The following TG variants were observed in gnomAD, a reference collection of about 807,000 sequenced individuals.
TG encodes the protein thyroglobulin.
TG carries 270 observed loss-of-function variants against 324.7 expected under a neutral mutation model. The ratio of observed to expected loss-of-function variants is 0.83; its 90% confidence interval spans 0.75 to 0.92. The LOEUF (loss-of-function observed/expected upper bound fraction) is 0.92. Among genes scored for constraint, TG ranks in the 40% least tolerant of loss-of-function variants. The pLI, the probability that TG is intolerant of heterozygous loss-of-function variation, is 0.00. For missense variants in TG, 3,591 were observed against 3,456.4 expected (o/e 1.04, Z -0.98); for synonymous variants, 1,401 against 1,327.0 (o/e 1.06, Z -1.21).
chr8:133,018,049 A>G (rs1320486283), intron 38 of TG, 52 bp downstream of exon 38: 2 of 1,560,126 alleles, frequency 1.3e-6, no homozygotes, highest in East Asian at 4.5e-5. Flanking sequence ...AATCTCCTCC[A>G]TTCTAATCTA....
intron 40 of TG, among the ~76,000 whole-genome samples, chr8:133,023,848 G>T (rs1369788121): frequency 6.6e-6 from 1 of 152,160 alleles, no homozygotes; most frequent in African/African-American, 2.4e-5. Context: ...TTCTGGAGAG[G>T]CAAACTCATT....
At chr8:132,968,645 G>A (rs1253857988) in intron 31 of TG, among the ~76,000 whole-genome samples, 2 of 152,134 alleles carry the variant, frequency 1.3e-5, no homozygotes, top group African/African-American at 2.4e-5. Context: ...AAGCTGACTG[G>A]GCAGCCCCAA....
At chr8:133,119,282 C>T (rs78903643) in intron 45 of TG, among the ~76,000 whole-genome samples, 8,168 of 152,132 alleles carry the variant, frequency 0.054, 722 homozygotes, top group African/African-American at 0.19. Flanking sequence ...TTTTATAGCA[C>T]GCCACAAAAA....
At chr8:132,883,233 A>G (rs920179879) in intron 8 of TG, 1 of 555,914 alleles carries the variant, frequency 1.8e-6, no homozygotes, top group Non-Finnish European at 3.2e-6. Context: ...TAGGAGGCTC[A>G]TAGATGAAGA....
chr8:133,040,359 C>CAG, intron 41 of TG: 1 of 528,838 alleles, frequency 1.9e-6, no homozygotes, highest in African/African-American at 1.9e-5. Context: ...CAGGCATGGG[C>CAG]AGAGAGAGAG....
chr8:133,076,224 T>G (rs879109861), intron 41 of TG: 2 of 152,216 alleles, frequency 1.3e-5, no homozygotes, highest in Non-Finnish European at 2.9e-5. Context: ...TTGAGTGATC[T>G]GTCCACAGTC....
At chr8:133,012,129 A>G (rs2130888608) in intron 36 of TG, 94 bp downstream of exon 36, 2 of 1,555,394 alleles carry the variant, frequency 1.3e-6, no homozygotes, top group Non-Finnish European at 1.8e-6. Context: ...ATGAGACACT[A>G]CGATAACCTA....
At chr8:132,943,309 C>G (rs150512294) in intron 26 of TG, among the ~76,000 whole-genome samples, 57 of 152,212 alleles carry the variant, frequency 3.7e-4, no homozygotes, top group African/African-American at 1.2e-3. Context: ...CCCCCTCTCT[C>G]TAACTCCTGA....
rs532885276 is a variant in TG at position 132,923,384 on chromosome 8, G to T, written c.4575G>T (p.Gln1525His). Residue 1525 changes from glutamine to histidine, a missense_variant, in exon 22 of 48, where the codon CAG (glutamine) becomes CAT (histidine). Transcript: ENST00000220616. ...QRNEAGLQCD[Q>H]NGQYRASQKD... is the part of the protein sequence containing the mutation. ...ACGAAGCAGGCCTGCAATGTGACCAGAATGGCCAGTATCGAGCCAGCCAGA... is the reference window on the plus strand; with the variant it reads ...ACGAAGCAGGCCTGCAATGTGACCATAATGGCCAGTATCGAGCCAGCCAGA... 4.3e-6 allele frequency: 7 copies of T among 1,614,132 alleles called. No individual in the cohort carries two copies. In the East Asian group the frequency reaches 1.1e-4, roughly 26 times the overall value.
chr8:133,069,311 A>C (rs1469544022), intron 41 of TG, among the ~76,000 whole-genome samples: 2 of 152,278 alleles, frequency 1.3e-5, no homozygotes, highest in African/African-American at 4.8e-5. Context: ...GATGGGAATC[A>C]GCATTTCACC....
chr8:132,890,635 T>C (rs1192656890), intron 10 of TG, among the ~76,000 whole-genome samples: 1 of 152,246 alleles, frequency 6.6e-6, no homozygotes, highest in Non-Finnish European at 1.5e-5. Context: ...GAGGCTCTTT[T>C]GAGTCTTAGA....
At chr8:132,883,768 TAGA>T (rs1015059161) in intron 8 of TG, among the ~76,000 whole-genome samples, 2 of 152,158 alleles carry the variant, frequency 1.3e-5, no homozygotes, top group Non-Finnish European at 2.9e-5. Context: ...CGGGGCTAAT[TAGA>T]AGGTCATTGC....
intron 5 of TG, among the ~76,000 whole-genome samples, chr8:132,878,604 G>A (rs1202097136): frequency 2.8e-5 from 4 of 145,318 alleles, no homozygotes; most frequent in Admixed American, 6.9e-5. Flanking sequence ...GCGAGACTCT[G>A]TCTCAAAAAA....
At chr8:133,106,028 TGGA>T (rs1219924699) in intron 43 of TG, among the ~76,000 whole-genome samples, 1 of 151,578 alleles carries the variant, frequency 6.6e-6, no homozygotes, top group Non-Finnish European at 1.5e-5. Flanking sequence ...ATGAAGCAGA[TGGA>T]GGAGACCCTC....
At chr8:133,027,898 G>A (rs1172555987) in intron 40 of TG, among the ~76,000 whole-genome samples, 1 of 152,118 alleles carries the variant, frequency 6.6e-6, no homozygotes, top group Non-Finnish European at 1.5e-5. Context: ...TAATTGCTTG[G>A]TAACTGCCTT....
At chr8:133,115,784 C>T (rs1023199053) in intron 44 of TG, among the ~76,000 whole-genome samples, 9 of 152,158 alleles carry the variant, frequency 5.9e-5, no homozygotes, top group East Asian at 5.8e-4. Flanking sequence ...TGGCTGGGGC[C>T]GCCTCTCTAA....
intron 41 of TG, among the ~76,000 whole-genome samples, chr8:133,070,713 A>G (rs1333917068): frequency 6.6e-6 from 1 of 152,212 alleles, no homozygotes; most frequent in Non-Finnish European, 1.5e-5. Context: ...ATAAAACTTT[A>G]ATTCTAAAAG....
chr8:133,024,486 C>T (rs1481863090), intron 40 of TG, among the ~76,000 whole-genome samples: 1 of 151,838 alleles, frequency 6.6e-6, no homozygotes, highest in African/African-American at 2.4e-5. Context: ...TGGTTTGCTG[C>T]ACCCATCAAC....
chr8:133,074,364 G>A (rs960501400), intron 41 of TG, among the ~76,000 whole-genome samples: 5 of 152,086 alleles, frequency 3.3e-5, no homozygotes, highest in Admixed American at 6.5e-5. Context: ...GCCTGATAGC[G>A]TTTACTGAGC....
Sources: allele counts gnomAD v4.1 joint callset (sites outside exome capture counted in the v4.1 genomes callset), GRCh38; gene constraint gnomAD v4.1.1; transcripts MANE v1.5; gene names NCBI Gene and HGNC (gene_info 2026-07-23, HGNC 2026-07-21).